The following PKHD1 variants were observed in gnomAD, a reference collection of about 807,000 sequenced individuals.
The protein encoded by PKHD1 is PKHD1 ciliary IPT domain containing fibrocystin/polyductin, also known as fibrocystin.
A neutral mutation model predicts 412.0 loss-of-function variants in PKHD1; 291 were observed. The ratio of observed to expected loss-of-function variants is 0.71; its 90% CI spans 0.64 to 0.78. The LOEUF is 0.78. Among genes scored for constraint, PKHD1 ranks in the 30% least tolerant of loss-of-function variants. The pLI, the probability that PKHD1 is intolerant of heterozygous loss-of-function variation, is 0.00. For synonymous variants in PKHD1, 1,777 were observed against 1,821.5 expected (o/e 0.98, Z 0.62); for missense variants, 4,825 against 4,950.7 (o/e 0.97, Z 0.76).
intron 35 of PKHD1, among the ~76,000 whole-genome samples, chr6:51,971,732 T>C (rs1231097697): frequency 6.6e-6 from 1 of 151,688 alleles, no homozygotes; most frequent in Non-Finnish European, 1.5e-5. Flanking sequence ...TGTTTTGTTT[T>C]GTTTTGTTTT....
intron 52 of PKHD1, among the ~76,000 whole-genome samples, chr6:51,810,137 G>A (rs930172276): frequency 4.0e-5 from 6 of 151,898 alleles, no homozygotes; most frequent in Admixed American, 6.6e-5. Flanking sequence ...ATAAATTGTT[G>A]TTGAGTATTA....
At chr6:51,929,664 A>G (rs2127749898) in intron 37 of PKHD1, among the ~76,000 whole-genome samples, 1 of 152,326 alleles carries the variant, frequency 6.6e-6, no homozygotes, top group South Asian at 2.1e-4. Flanking sequence ...CATAGCAACC[A>G]TGGAATTTAC....
At chr6:51,829,286 A>G (rs1767846689) in intron 52 of PKHD1, among the ~76,000 whole-genome samples, 2 of 135,722 alleles carry the variant, frequency 1.5e-5, no homozygotes, top group Non-Finnish European at 3.2e-5. Context: ...AAAGCCAGGG[A>G]TCCCGGGACC....
intron 52 of PKHD1, among the ~76,000 whole-genome samples, chr6:51,829,087 T>C (rs1319327225): frequency 2.0e-5 from 3 of 152,168 alleles, no homozygotes; most frequent in Non-Finnish European, 4.4e-5. Flanking sequence ...AATTCTTAAC[T>C]TTTCTGATTA....
At chr6:51,668,561 G>A (rs2150481390) in intron 60 of PKHD1, among the ~76,000 whole-genome samples, 1 of 152,138 alleles carries the variant, frequency 6.6e-6, no homozygotes, top group African/African-American at 2.4e-5. Context: ...TGATTGCCCT[G>A]GCCAGAACTT....
chr6:51,639,468 A>T (rs886987771), intron 63 of PKHD1, among the ~76,000 whole-genome samples: 1 of 152,118 alleles, frequency 6.6e-6, no homozygotes, highest in Non-Finnish European at 1.5e-5. Flanking sequence ...TTTATGTGGT[A>T]CCAGAATTAG....
intron 52 of PKHD1, among the ~76,000 whole-genome samples, chr6:51,793,353 T>C (rs1240582835): frequency 6.6e-6 from 1 of 152,184 alleles, no homozygotes; most frequent in Non-Finnish European, 1.5e-5. Flanking sequence ...ATTTATTTTA[T>C]TTTCATCTTT....
At chr6:51,814,493 C>T (rs944379516) in intron 52 of PKHD1, among the ~76,000 whole-genome samples, 1 of 152,170 alleles carries the variant, frequency 6.6e-6, no homozygotes, top group Non-Finnish European at 1.5e-5. Flanking sequence ...GAAAAGGTAA[C>T]CTCTGAAACC....
chr6:51,866,876 T>G (rs1470308364), intron 48 of PKHD1, among the ~76,000 whole-genome samples: 1 of 152,130 alleles, frequency 6.6e-6, no homozygotes, highest in African/African-American at 2.4e-5. Context: ...TATTATTATT[T>G]TACTCACTGG....
intron 35 of PKHD1, among the ~76,000 whole-genome samples, chr6:51,983,006 C>T (rs1371389016): frequency 1.3e-5 from 2 of 151,948 alleles, no homozygotes; most frequent in African/African-American, 4.8e-5. Flanking sequence ...TAAGCAGGGC[C>T]CAGGAAGCCT....
rs1181641616 is a variant in PKHD1, at chr6:52,062,597, G to T, written c.1040C>A (p.Thr347Asn). The T allele has an allele frequency of 6.2e-7, 1 of 1,614,128 alleles. No individual in the cohort carries two copies. Among genetic ancestry groups the T allele is most frequent in the South Asian group, 1.1e-5 (1 of 91,084 alleles). Residue 347 changes from threonine to asparagine, a missense_variant, in exon 14 of 67, where the codon ACC (threonine) becomes AAC (asparagine). Transcript: ENST00000371117. ...AVEGLELTEA[T>N]PGYRWQIVPN... ...GACAATCTGCCACCTGTACCCTGGG[G>T]TGGCTTCAGTCAGTTCCAGTCCCTC...
rs201300259 is a variant in PKHD1 at position 51,638,935 on chromosome 6, T to G, written c.11420A>C (p.Gln3807Pro). ...VLKGCTQAET[Q>P]DGYVSFYNLA... ...GTTGTAGAAGCTAACATAACCATCT[T>G]GAGTTTCTGCCTGGGTGCACCCTAC... Residue 3807 changes from glutamine (Q) to proline (P), a missense_variant, in exon 64 of 67, where the codon CAA becomes CCA. Gln to Pro is a moderately conservative substitution (Grantham distance 76, BLOSUM62 -1). Transcript: ENST00000371117. 5.8e-5 allele frequency: 94 copies of G among 1,613,626 alleles called. No individual in the cohort carries two copies. The South Asian group carries it at 1.0e-3, about 17-fold the overall frequency.
chr6:51,938,722 C>T (rs1042408507), intron 36 of PKHD1, among the ~76,000 whole-genome samples: 3 of 151,606 alleles, frequency 2.0e-5, no homozygotes, highest in African/African-American at 7.2e-5. Flanking sequence ...AGGGAACCTC[C>T]CTTGGGAGAT....
intron 36 of PKHD1, among the ~76,000 whole-genome samples, chr6:51,944,435 A>C (rs1015374963): frequency 6.6e-6 from 1 of 152,150 alleles, no homozygotes; most frequent in Non-Finnish European, 1.5e-5. Flanking sequence ...GAAAAACACT[A>C]AGATTGGTCT....
At chr6:51,686,872 T>C (rs1007360850) in intron 60 of PKHD1, among the ~76,000 whole-genome samples, 1 of 152,202 alleles carries the variant, frequency 6.6e-6, no homozygotes, top group Non-Finnish European at 1.5e-5. Context: ...ATCTACTCAC[T>C]TGCATGTTTG....
intron 60 of PKHD1, among the ~76,000 whole-genome samples, chr6:51,733,714 T>C (rs2150904064): frequency 6.6e-6 from 1 of 152,328 alleles, no homozygotes; most frequent in African/African-American, 2.4e-5. Context: ...AAAATCATTG[T>C]CTTACTGTCT....
intron 43 of PKHD1, among the ~76,000 whole-genome samples, chr6:51,898,923 G>T (rs888960574): frequency 3.3e-5 from 5 of 152,198 alleles, no homozygotes; most frequent in East Asian, 1.9e-4. Flanking sequence ...TAGAAGAAAT[G>T]GATAAATTCC....
chr6:51,843,898 A>G (rs1770678076), intron 50 of PKHD1, among the ~76,000 whole-genome samples: 1 of 152,238 alleles, frequency 6.6e-6, no homozygotes, highest in Admixed American at 6.5e-5. Context: ...TCTGTGGCTA[A>G]CAATTGCTTA....
chr6:51,742,937 T>G (rs1784740684), intron 60 of PKHD1, among the ~76,000 whole-genome samples: 1 of 151,952 alleles, frequency 6.6e-6, no homozygotes, highest in Admixed American at 6.6e-5. Flanking sequence ...GAAGTGAGAA[T>G]AAAATATTCC....
Sources: gnomAD v4.1 joint callset for allele counts (sites outside exome capture counted in the v4.1 genomes callset) on GRCh38, gnomAD v4.1.1 for gene constraint, MANE v1.5 for transcripts, NCBI Gene and HGNC (gene_info 2026-07-23, HGNC 2026-07-21) for gene names.